FGF12: variants seen among roughly 807,000 people sequenced by gnomAD.
FGF12 encodes fibroblast growth factor 12B.
A neutral mutation model predicts 23.6 loss-of-function variants in FGF12; 14 were observed. The ratio of observed to expected loss-of-function variants is 0.59; its 90% CI spans 0.39 to 0.93. FGF12 has a LOEUF of 0.93. FGF12 is among the 40% of genes least tolerant of loss of function. The pLI, the probability that FGF12 is intolerant of heterozygous loss-of-function variation, is 0.00. For missense variants in FGF12, 175 were observed against 217.8 expected (o/e 0.80, Z 1.24); for synonymous variants, 62 against 77.3 (o/e 0.80, Z 1.04).
rs114464201 is a variant in FGF12 at position 192,537,291 on chromosome 3, G to A, written c.14-176753C>T. ...GGTGTAGAAATCTCTTTGATACACT[G>A]ATTTCTTTTCTTTTGGGTATATACC... On this transcript the variant is annotated intron_variant, in intron 2 of 5. Coordinates refer to ENST00000445105, the MANE Select transcript of FGF12 (RefSeq NM_004113.6). Among the ~76,000 whole-genome samples, 194 of 152,156 alleles carry A rather than the reference G, an allele frequency of 1.3e-3. 1 individual carries two copies. The highest frequency in any genetic ancestry group is 4.6e-3 in the African/African-American group (189 of 41,514).
intron 4 of FGF12, among the ~76,000 whole-genome samples, chr3:192,332,246 CTAAA>C (rs1055184629): frequency 1.1e-3 from 174 of 151,614 alleles, no homozygotes; most frequent in African/African-American, 4.1e-3. Flanking sequence ...GACAGAAACA[CTAAA>C]AAATATTTAG....
intron 2 of FGF12, among the ~76,000 whole-genome samples, chr3:192,669,602 T>TAAAAAAAAAAAAAAAAAAAAAAA (rs59897483): frequency 1.2e-4 from 7 of 59,526 alleles, no homozygotes; most frequent in Non-Finnish European, 2.2e-4. Flanking sequence ...GACTCTGTCT[T>TAAAAAAAAAAAAAAAAAAAAAAA]AAAAAAAAAA....
intron 2 of FGF12, among the ~76,000 whole-genome samples, chr3:192,722,251 T>C (rs760720310): frequency 7.9e-5 from 12 of 152,234 alleles, no homozygotes; most frequent in Non-Finnish European, 1.3e-4. Context: ...ATCATGATTT[T>C]ACTGAATTAT....
intron 4 of FGF12, among the ~76,000 whole-genome samples, chr3:192,225,376 C>T (rs917880583): frequency 6.6e-6 from 1 of 152,022 alleles, no homozygotes; most frequent in Non-Finnish European, 1.5e-5. Context: ...TTTTCCATCT[C>T]CATTCTCTCC....
intron 2 of FGF12, among the ~76,000 whole-genome samples, chr3:192,548,807 C>T (rs566852147): frequency 8.6e-5 from 13 of 152,020 alleles, no homozygotes; most frequent in Non-Finnish European, 1.8e-4. Flanking sequence ...TAACAACACA[C>T]AGCATTAAAA....
At chr3:192,323,363 T>A (rs1716646514) in intron 4 of FGF12, among the ~76,000 whole-genome samples, 1 of 152,188 alleles carries the variant, frequency 6.6e-6, no homozygotes, top group South Asian at 2.1e-4. Context: ...ATATGCCCAA[T>A]GGAATATTAT....
chr3:192,331,530 G>T (rs943910859), intron 4 of FGF12, among the ~76,000 whole-genome samples: 1 of 152,042 alleles, frequency 6.6e-6, no homozygotes, highest in African/African-American at 2.4e-5. Flanking sequence ...AGGAAATCCT[G>T]TCATATTCTA....
chr3:192,254,571 T>G (rs1361104737), intron 4 of FGF12, among the ~76,000 whole-genome samples: 1 of 151,976 alleles, frequency 6.6e-6, no homozygotes, highest in Non-Finnish European at 1.5e-5. Context: ...TGTAGGAAAA[T>G]GTACAAAGGA....
At chr3:192,492,796 G>A (rs1241256164) in intron 2 of FGF12, among the ~76,000 whole-genome samples, 2 of 152,016 alleles carry the variant, frequency 1.3e-5, no homozygotes, top group Admixed American at 6.6e-5. Flanking sequence ...CTCCTCACAT[G>A]TCACTAGGTG....
intron 4 of FGF12, among the ~76,000 whole-genome samples, chr3:192,315,594 GA>G (rs1577346401): frequency 1.3e-5 from 2 of 152,000 alleles, no homozygotes; most frequent in African/African-American, 4.8e-5. Flanking sequence ...ATCCTAGGGG[GA>G]AAAAATAAGT....
At chr3:192,231,277 C>G (rs1399018373) in intron 4 of FGF12, among the ~76,000 whole-genome samples, 1 of 151,112 alleles carries the variant, frequency 6.6e-6, no homozygotes, top group Non-Finnish European at 1.5e-5. Flanking sequence ...AGATAGGTCA[C>G]AGGCCCCCCT....
At chr3:192,572,204 G>A (rs1254821016) in intron 2 of FGF12, among the ~76,000 whole-genome samples, 1 of 152,132 alleles carries the variant, frequency 6.6e-6, no homozygotes. Flanking sequence ...CTTAATTGAA[G>A]AAAATGAGCT....
intron 2 of FGF12, chr3:192,673,053 A>G (rs910010955): frequency 1.3e-5 from 2 of 150,858 alleles, no homozygotes; most frequent in African/African-American, 2.4e-5. Flanking sequence ...CAAGTTGAAG[A>G]CTCTCCCTGG....
chr3:192,266,175 C>G (rs1222041440), intron 4 of FGF12, among the ~76,000 whole-genome samples: 1 of 152,112 alleles, frequency 6.6e-6, no homozygotes, highest in Non-Finnish European at 1.5e-5. Context: ...TAGTTGCTCC[C>G]TCTATGTTTC....
At chr3:192,538,256 GTTTT>G (rs200001112) in intron 2 of FGF12, among the ~76,000 whole-genome samples, 4 of 138,998 alleles carry the variant, frequency 2.9e-5, no homozygotes, top group Admixed American at 1.4e-4. Context: ...CCTTTAATCC[GTTTT>G]TTTTCTTTTG....
chr3:192,419,734 A>G (rs779515586), intron 2 of FGF12, among the ~76,000 whole-genome samples: 11 of 152,310 alleles, frequency 7.2e-5, no homozygotes, highest in South Asian at 4.1e-4. Context: ...TGAATCAACA[A>G]TGAAACTGAT....
chr3:192,146,404 G>A (rs1002112405), intron 5 of FGF12, among the ~76,000 whole-genome samples: 4 of 151,666 alleles, frequency 2.6e-5, no homozygotes, highest in African/African-American at 9.7e-5. Context: ...CCAAGTAGCT[G>A]GGACTATAGG....
chr3:192,522,781 T>C (rs1227474024), intron 2 of FGF12, among the ~76,000 whole-genome samples: 1 of 152,230 alleles, frequency 6.6e-6, no homozygotes, highest in Non-Finnish European at 1.5e-5. Context: ...AATAGATCTG[T>C]GAAATTTATT....
At chr3:192,404,474 A>C (rs1720884383) in intron 2 of FGF12, among the ~76,000 whole-genome samples, 1 of 152,212 alleles carries the variant, frequency 6.6e-6, no homozygotes, top group Admixed American at 6.5e-5. Flanking sequence ...ACTCAAAATA[A>C]AGCTAAAGGT....
Sources: allele counts gnomAD v4.1 joint callset (sites outside exome capture counted in the v4.1 genomes callset), GRCh38; gene constraint gnomAD v4.1.1; transcripts MANE v1.5; gene names NCBI Gene and HGNC (gene_info 2026-07-23, HGNC 2026-07-21).